IQCH: variants seen among roughly 807,000 people sequenced by gnomAD.
IQCH encodes the protein IQ domain-containing protein H.
A neutral mutation model predicts 117.0 loss-of-function variants in IQCH; 98 were observed. The ratio of observed to expected loss-of-function variants is 0.84; its 90% CI spans 0.71 to 0.99. The LOEUF (loss-of-function observed/expected upper bound fraction) is 0.99. Ranked by LOEUF, IQCH falls within the 50% of genes least tolerant of loss-of-function variation. The pLI is 0.00. For missense variants in IQCH, 1,102 were observed against 1,243.8 expected, an observed-to-expected ratio of 0.89 and a Z score of 1.72; for synonymous variants, 412 against 448.2, an observed-to-expected ratio of 0.92 and a Z score of 1.02.
chr15:67,478,562 G>A (rs2083263432), intron 18 of IQCH, among the ~76,000 whole-genome samples: 1 of 152,122 alleles, frequency 6.6e-6, no homozygotes, highest in Admixed American at 6.6e-5. Context: ...AAAGATAAGA[G>A]AAGAGAGAGG....
intron 16 of IQCH, among the ~76,000 whole-genome samples, chr15:67,439,888 CAA>C (rs201813482): frequency 0.2 from 16,785 of 83,390 alleles, 879 homozygotes; most frequent in East Asian, 0.31. Flanking sequence ...AACTCCGTCT[CAA>C]AAAAAAAAAA....
At position 67,361,246 on chromosome 15, in the gene IQCH, C is replaced by T. The variant is rs112170082; in HGVS notation, c.753+1361C>T. On this transcript the variant is annotated intron_variant, in intron 8 of 20. Transcript: ENST00000335894. ...AGTACTACTACTGCTCCTGTTACTACTGCTGCTGTTGCTGCTGCGACTGCT... is the reference window on the plus strand; with the variant it reads ...AGTACTACTACTGCTCCTGTTACTATTGCTGCTGTTGCTGCTGCGACTGCT... 1.9e-3 allele frequency among the ~76,000 whole-genome samples: 290 copies of T among 152,356 alleles called. 1 individual carries two copies. Among genetic ancestry groups the T allele is most frequent in the African/African-American group, 6.8e-3 (282 of 41,586 alleles).
At chr15:67,444,555 G>A (rs1347561505) in intron 16 of IQCH, among the ~76,000 whole-genome samples, 1 of 152,164 alleles carries the variant, frequency 6.6e-6, no homozygotes, top group Non-Finnish European at 1.5e-5. Flanking sequence ...AACCACTTAA[G>A]TATTGGGTCA....
At chr15:67,299,159 G>A (rs565348244) in intron 4 of IQCH, among the ~76,000 whole-genome samples, 2 of 150,882 alleles carry the variant, frequency 1.3e-5, no homozygotes, top group South Asian at 4.2e-4. Flanking sequence ...AGTGAAATAA[G>A]CCAGGCATAG....
intron 4 of IQCH, among the ~76,000 whole-genome samples, chr15:67,284,341 C>T (rs148066896): frequency 5.9e-5 from 9 of 152,230 alleles, no homozygotes; most frequent in African/African-American, 2.2e-4. Flanking sequence ...TAATGAAGTC[C>T]AGTTCCATCC....
chr15:67,464,724 C>T (rs190715605), intron 16 of IQCH, among the ~76,000 whole-genome samples: 8 of 152,310 alleles, frequency 5.3e-5, no homozygotes, highest in Admixed American at 5.2e-4. Flanking sequence ...ATATTCATCA[C>T]TCTTTTCCCG....
intron 4 of IQCH, among the ~76,000 whole-genome samples, chr15:67,294,952 C>T (rs1264964234): frequency 6.6e-6 from 1 of 152,176 alleles, no homozygotes; most frequent in Non-Finnish European, 1.5e-5. Flanking sequence ...AATATAGCTG[C>T]AGTACATCTC....
intron 19 of IQCH, among the ~76,000 whole-genome samples, chr15:67,492,813 C>G (rs1390731152): frequency 6.6e-6 from 1 of 152,102 alleles, no homozygotes; most frequent in Non-Finnish European, 1.5e-5. Context: ...ATAGAGGAAC[C>G]AGGCAAGAGG....
intron 4 of IQCH, among the ~76,000 whole-genome samples, chr15:67,280,142 GT>G (rs1032300983): frequency 6.6e-6 from 1 of 152,186 alleles, no homozygotes; most frequent in African/African-American, 2.4e-5. Flanking sequence ...GTATAGGTCT[GT>G]TTCTAGAATT....
chr15:67,260,085 ACTT>A (rs1965396534), intron 1 of IQCH, among the ~76,000 whole-genome samples: 1 of 152,228 alleles, frequency 6.6e-6, no homozygotes, highest in Non-Finnish European at 1.5e-5. Flanking sequence ...AGAAAAAGTA[ACTT>A]CTTCAAAATG....
intron 4 of IQCH, among the ~76,000 whole-genome samples, chr15:67,315,973 C>T (rs1194702426): frequency 2.0e-5 from 3 of 152,118 alleles, no homozygotes; most frequent in African/African-American, 7.2e-5. Flanking sequence ...TAAGGAGATT[C>T]CTTATCTCCT....
At chr15:67,340,490 T>C (rs1455075181) in intron 5 of IQCH, among the ~76,000 whole-genome samples, 1 of 96,956 alleles carries the variant, frequency 1.0e-5, no homozygotes, top group Non-Finnish European at 2.0e-5. Context: ...CCTGATTAAA[T>C]AAACATTATT....
intron 10 of IQCH, among the ~76,000 whole-genome samples, chr15:67,382,191 GAA>G (rs1477373518): frequency 6.6e-6 from 1 of 152,092 alleles, no homozygotes; most frequent in African/African-American, 2.4e-5. Flanking sequence ...AAAGGGTGGT[GAA>G]GAACAGGTGC....
intron 10 of IQCH, among the ~76,000 whole-genome samples, chr15:67,383,625 A>G (rs1042088278): frequency 1.3e-5 from 2 of 152,218 alleles, no homozygotes; most frequent in Non-Finnish European, 2.9e-5. Flanking sequence ...TTATTTGAAT[A>G]TAGATAAAAT....
rs1421245234 is a variant in IQCH, at chr15:67,416,084, A to G, written c.2098-847A>G. On this transcript the variant is annotated intron_variant, in intron 14 of 20. Coordinates refer to ENST00000335894, the MANE Select transcript of IQCH (RefSeq NM_001031715.3). This position sits in a 1 kb window ranked among gnomAD's most constrained non-coding sequence, Gnocchi z 5.1. ...TCTCAAAAAATTTTTTTTAAAAATT[A>G]AAAAATATATGGAGGTGTCCAGGTG... is the stretch of plus-strand genomic sequence containing the variant. 6.6e-6 allele frequency among the ~76,000 whole-genome samples: 1 copy of G among 152,118 alleles called. No homozygotes were observed. Among genetic ancestry groups the G allele is most frequent in the Non-Finnish European group, 1.5e-5 (1 of 68,024 alleles).
In IQCH at chr15:67,481,576, T is replaced by C. The variant is rs2083338827; in HGVS notation, c.2799+5758T>C. On this transcript the variant is annotated intron_variant, in intron 18 of 20. Transcript: ENST00000335894. This position sits in a 1 kb window ranked among gnomAD's most constrained non-coding sequence, Gnocchi z 4.1. ...AAACCATATCAAGTACATATTTGCA[T>C]TCAGAGAGACTCTCTCAGGAAAAAG... Among the ~76,000 whole-genome samples, 1 of 152,068 alleles carries C rather than the reference T, an allele frequency of 6.6e-6. No individual in the cohort carries two copies. The highest frequency in any genetic ancestry group is 1.5e-5 in the Non-Finnish European group (1 of 68,028).
intron 4 of IQCH, among the ~76,000 whole-genome samples, chr15:67,280,837 G>A (rs1281803607): frequency 1.6e-5 from 2 of 125,056 alleles, no homozygotes; most frequent in East Asian, 2.0e-4. Context: ...AGAAGGAGGT[G>A]TTATTATTAT....
rs1190979625 is a variant in IQCH, at chr15:67,422,064, A to C, written c.2505+487A>C. Among the ~76,000 whole-genome samples, 1 of 149,524 alleles carries C rather than the reference A, an allele frequency of 6.7e-6. No homozygotes were observed. Among genetic ancestry groups the C allele is most frequent in the Admixed American group, 6.8e-5 (1 of 14,762 alleles). ...CAATGAGCCGAGATCATGCTACTAC[A>C]CTCCAGCCTGGGTGACAGAGTGAAA... On this transcript the variant is annotated intron_variant, in intron 16 of 20. Transcript: ENST00000335894. This position sits in a 1 kb window ranked among gnomAD's most constrained non-coding sequence, Gnocchi z 4.7.
At position 67,365,331 on chromosome 15, in the gene IQCH, AGTTTG is replaced by A. The variant is rs1970294769; in HGVS notation, c.753+5447_753+5451del. ...TTAGTGCTCCAAAACTCAAGCTATA[AGTTTG>A]CAAATAACTTGTATGATCATAGAAC... On this transcript the variant is annotated intron_variant, in intron 8 of 20. Coordinates refer to ENST00000335894, the MANE Select transcript of IQCH (RefSeq NM_001031715.3). This position sits in a 1 kb window ranked among gnomAD's most constrained non-coding sequence, Gnocchi z 4.4. Among the ~76,000 whole-genome samples the A allele has an allele frequency of 6.6e-6, 1 of 152,224 alleles. No individual in the cohort carries two copies.
Sources: allele counts gnomAD v4.1 joint callset (sites outside exome capture counted in the v4.1 genomes callset), GRCh38; gene constraint gnomAD v4.1.1; non-coding constraint Gnocchi (gnomAD v3.1); transcripts MANE v1.5; gene names NCBI Gene and HGNC (gene_info 2026-07-23, HGNC 2026-07-21).